The following ITIH4 variants were observed in gnomAD, a reference collection of about 807,000 sequenced individuals.
The protein encoded by ITIH4 is inter-alpha-trypsin inhibitor heavy chain 4.
In ITIH4, 79 loss-of-function variants were observed where a neutral mutation model predicts 111.8. The ratio of observed to expected loss-of-function variants is 0.71; its 90% confidence interval spans 0.59 to 0.85. The LOEUF (loss-of-function observed/expected upper bound fraction) is 0.85. Among genes scored for constraint, ITIH4 ranks in the 40% least tolerant of loss-of-function variants. ITIH4 has a pLI of 0.00. For synonymous variants in ITIH4, 472 were observed against 468.3 expected (o/e 1.01, Z -0.10); for missense variants, 1,065 against 1,195.8 (o/e 0.89, Z 1.61).
chr3:52,821,276 G>T, intron 11 of ITIH4, 146 bp from the exon 12 acceptor site: 2 of 969,004 alleles, frequency 2.1e-6, no homozygotes, highest in Non-Finnish European at 1.5e-6. Context: ...GTGGGGGTAA[G>T]GAGGGGGCTT....
rs773375938 is a variant in ITIH4 at position 52,825,873 on chromosome 3, G to C, written c.759+13C>G. On this transcript the variant is annotated intron_variant, in intron 6 of 23. Coordinates refer to ENST00000266041, the MANE Select transcript of ITIH4 (RefSeq NM_002218.5). Reference sequence around the variant, plus strand: ...CTTCTAGGCTGCTCTGCTCTTGCCTGAAGTCCACCCACCTGAATGGAGCCC... The same window carrying C: ...CTTCTAGGCTGCTCTGCTCTTGCCTCAAGTCCACCCACCTGAATGGAGCCC... The C allele has an allele frequency of 6.2e-7, 1 of 1,612,440 alleles. No homozygotes were observed. The highest frequency in any genetic ancestry group is 8.5e-7 in the Non-Finnish European group (1 of 1,179,260).
In ITIH4 at chr3:52,816,969, C is replaced by CGTGAA. The variant is rs780169794; in HGVS notation, c.2381_2385dup (p.Ala796PhefsTer10). 6.2e-7 allele frequency: 1 copy of CGTGAA among 1,613,976 alleles called. No individual in the cohort carries two copies. Among genetic ancestry groups the CGTGAA allele is most frequent in the Non-Finnish European group, 8.5e-7 (1 of 1,179,898 alleles). ...GTCACCACCACGTGTTCAGGGGATG[C>CGTGAA]GTGAACCCATACCAGGGGGTTCTTG... On this transcript the variant is annotated frameshift_variant, in exon 21 of 24. Coordinates refer to ENST00000266041, the MANE Select transcript of ITIH4 (RefSeq NM_002218.5). LOFTEE classifies it high-confidence loss of function.
chr3:52,814,873 C>T (rs528395335), intron 21 of ITIH4, among the ~76,000 whole-genome samples: 1 of 152,286 alleles, frequency 6.6e-6, no homozygotes, highest in East Asian at 1.9e-4. Context: ...CGTGAGCCAC[C>T]GCACCCGGCC....
At chr3:52,825,697 T>C (rs1373247911) in intron 6 of ITIH4, among the ~76,000 whole-genome samples, 189 bp downstream of exon 6, 1 of 152,170 alleles carries the variant, frequency 6.6e-6, no homozygotes, top group African/African-American at 2.4e-5. Context: ...GAGACAAACC[T>C]TTTCTGCCTG....
Position 52,820,935 on chromosome 3 carries a change from G to A in ITIH4, c.1679+56C>T, listed in dbSNP as rs112810398. 1.3e-3 allele frequency: 2,096 copies of A among 1,593,492 alleles called. 7 individuals carry two copies. The highest frequency in any genetic ancestry group is 1.9e-3 in the South Asian group (164 of 87,342). On this transcript the variant is annotated intron_variant, in intron 12 of 23. Transcript: ENST00000266041. ...TCTCTCCATGCTTAGGCGCTGTACC[G>A]TGCCACCTGTGCCTGCCCCCTAGCG...
At chr3:52,815,283 G>A (rs1256550452) in intron 21 of ITIH4, among the ~76,000 whole-genome samples, 3 of 143,522 alleles carry the variant, frequency 2.1e-5, no homozygotes, top group Admixed American at 7.2e-5. Context: ...TCGCTCTGTC[G>A]CCCAGGCTGA....
rs77349648 is a variant in ITIH4, at chr3:52,820,342, G to C, written c.1835-25C>G. Reference sequence around the variant, plus strand: ...TCTGGATAAAACAAAGAGAGAGAGAGAGACAGACAGACAGAGACACAGACA... The same window carrying C: ...TCTGGATAAAACAAAGAGAGAGAGACAGACAGACAGACAGAGACACAGACA... On this transcript the variant is annotated intron_variant, in intron 13 of 23. Coordinates refer to ENST00000266041, the MANE Select transcript of ITIH4 (RefSeq NM_002218.5). 2,252 of 1,609,938 alleles carry C rather than the reference G, an allele frequency of 1.4e-3. 9 individuals carry two copies. The highest frequency in any genetic ancestry group is 4.8e-3 in the South Asian group (432 of 90,936).
In ITIH4 at chr3:52,816,903, G is replaced by A; in HGVS notation, c.2452C>T (p.Leu818=). 1.9e-6 allele frequency: 3 copies of A among 1,613,870 alleles called. No homozygotes were observed. Among genetic ancestry groups the A allele is most frequent in the Non-Finnish European group, 2.5e-6 (3 of 1,179,864 alleles). ...RSSAYKWKET[L]FSVMPGLKMT... is the part of the protein sequence containing the mutation. ...CCTTACCCGGGCATCACTGAGAATA[G>A]CGTCTCCTTCCACTTGTACGCAGAG... Residue 818 remains leucine (L), a synonymous_variant, in exon 21 of 24, where the codon CTA becomes TTA. Coordinates refer to ENST00000266041, the MANE Select transcript of ITIH4 (RefSeq NM_002218.5).
rs1284438493 is a variant in ITIH4 at position 52,819,397 on chromosome 3, G to A, written c.2073C>T (p.Ala691=). The A allele has an allele frequency of 1.2e-6, 2 of 1,614,002 alleles. No individual in the cohort carries two copies. The highest frequency in any genetic ancestry group is 8.5e-7 in the Non-Finnish European group (1 of 1,179,912). Residue 691 remains alanine (A), a synonymous_variant, in exon 17 of 24, where the codon GCC becomes GCT. Coordinates refer to ENST00000266041, the MANE Select transcript of ITIH4 (RefSeq NM_002218.5). The part of the protein sequence containing the change: ...HAAYHPFRRL[A]ILPASAPPAT... ...CAGGGCCGGAAGGCAGCTTACAGAT[G>A]GCCAGACGGCGGAAGGGGTGGTAAG...
Position 52,818,187 on chromosome 3 carries a change from G to A in ITIH4, c.2180-19C>T, listed in dbSNP as rs370733315. 1.2e-5 allele frequency: 20 copies of A among 1,601,920 alleles called. No homozygotes were observed. Among genetic ancestry groups the A allele is most frequent in the African/African-American group, 8.0e-5 (6 of 74,692 alleles). On this transcript the variant is annotated intron_variant, in intron 19 of 23. Coordinates refer to ENST00000266041, the MANE Select transcript of ITIH4 (RefSeq NM_002218.5). Reference sequence around the variant, plus strand: ...ATGGGGGCTGGGACAGCCGGGGCACGGCTCCTGGAGCAGGAAGGGCAGGCT... The same window carrying A: ...ATGGGGGCTGGGACAGCCGGGGCACAGCTCCTGGAGCAGGAAGGGCAGGCT...
At chr3:52,820,134 T>A in intron 14 of ITIH4, 144 bp from the exon 15 acceptor site, 1 of 1,295,496 alleles carries the variant, frequency 7.7e-7, no homozygotes, top group African/African-American at 1.5e-5. Flanking sequence ...TGCACCAGCA[T>A]GCTGGGTCAG....
In ITIH4 at chr3:52,813,336, C is replaced by T. The variant is rs1700222882; in HGVS notation, c.*85G>A. The T allele has an allele frequency of 1.7e-6, 2 of 1,164,674 alleles. No individual in the cohort carries two copies. Among genetic ancestry groups the T allele is most frequent in the African/African-American group, 1.5e-5 (1 of 66,130 alleles). 72.1% of individuals were successfully genotyped at this position (1,164,674 alleles called of 1,614,324 possible). On this transcript the variant is annotated 3_prime_UTR_variant, in exon 24 of 24. Coordinates refer to ENST00000266041, the MANE Select transcript of ITIH4 (RefSeq NM_002218.5). ...TGTAATGAGTGGGACTCTTCCTCCC[C>T]ATGGTGGTCCAGGCCCCAGAAGCGG...
At chr3:52,820,366 C>G (rs371184979) in intron 13 of ITIH4, 49 bp from the exon 14 acceptor site, 1 of 1,583,458 alleles carries the variant, frequency 6.3e-7, no homozygotes, top group Non-Finnish European at 8.7e-7. Context: ...GAGACACAGA[C>G]AGACACCGTC....
intron 2 of ITIH4, among the ~76,000 whole-genome samples, chr3:52,827,950 T>C (rs974761161): frequency 5.3e-5 from 8 of 152,138 alleles, no homozygotes; most frequent in African/African-American, 1.7e-4. Context: ...TGTGTGGCAG[T>C]GGGCAGGAGG....
Position 52,824,556 on chromosome 3 carries a change from C to T in ITIH4, c.886G>A (p.Ala296Thr). ...AGGTCATCCAGGATCTTGATTAGGGCTTCCCGGGTCTGGTCAGGGAGAGGA... is the reference window on the plus strand; with the variant it reads ...AGGTCATCCAGGATCTTGATTAGGGTTTCCCGGGTCTGGTCAGGGAGAGGA... ...SGRKIQQTRE[A>T]LIKILDDLSP... The change falls in exon 8 of 24, where the codon GCC (alanine) becomes ACC (threonine). Residue 296 changes from alanine (A) to threonine (T), a missense_variant. By Grantham distance (58) the Ala-to-Thr change is moderately conservative (BLOSUM62 0). Coordinates refer to ENST00000266041, the MANE Select transcript of ITIH4 (RefSeq NM_002218.5). The surrounding 1 kb of genome is among the most constrained non-coding windows in gnomAD (Gnocchi z 4.3). The T allele has an allele frequency of 1.9e-6, 3 of 1,611,580 alleles. No individual in the cohort carries two copies. Among genetic ancestry groups the T allele is most frequent in the Non-Finnish European group, 2.5e-6 (3 of 1,179,324 alleles).
intron 2 of ITIH4, among the ~76,000 whole-genome samples, chr3:52,828,215 C>T (rs767504571): frequency 6.6e-6 from 1 of 152,232 alleles, no homozygotes; most frequent in African/African-American, 2.4e-5. Flanking sequence ...CTTGGGCTCT[C>T]AGCAGATGCC....
intron 23 of ITIH4, 38 bp from the exon 24 acceptor site, chr3:52,813,528 C>A (rs17331178): frequency 0.099 from 156,081 of 1,583,878 alleles, 8,637 homozygotes; most frequent in Non-Finnish European, 0.11. Flanking sequence ...AGGTGGTCAG[C>A]AAATCTCAGG....
In ITIH4 at chr3:52,813,355, G is replaced by A. The variant is rs1700223130; in HGVS notation, c.*66C>T. ...CCTCCCCATGGTGGTCCAGGCCCCAGAAGCGGCCCTGCAGTTGCAGGGGGA... is the reference window on the plus strand; with the variant it reads ...CCTCCCCATGGTGGTCCAGGCCCCAAAAGCGGCCCTGCAGTTGCAGGGGGA... On this transcript the variant is annotated 3_prime_UTR_variant, in exon 24 of 24. Coordinates refer to ENST00000266041, the MANE Select transcript of ITIH4 (RefSeq NM_002218.5). The A allele has an allele frequency of 7.2e-7, 1 of 1,383,860 alleles. No homozygotes were observed. Among genetic ancestry groups the A allele is most frequent in the Middle Eastern group, 1.8e-4 (1 of 5,578 alleles). 85.7% of individuals were successfully genotyped at this position (1,383,860 alleles called of 1,614,324 possible). A position where few individuals can be genotyped will look rare whatever the true frequency, so the allele number is the denominator to read the frequency against.
At chr3:52,826,134 C>T in intron 5 of ITIH4, 120 bp from the exon 6 acceptor site, 1 of 1,381,042 alleles carries the variant, frequency 7.2e-7, no homozygotes, top group East Asian at 2.5e-5. Context: ...GGTCCGTATT[C>T]CAGGGCACTT....
Sources: gnomAD v4.1 joint callset for allele counts (sites outside exome capture counted in the v4.1 genomes callset) on GRCh38, gnomAD v4.1.1 for gene constraint, Gnocchi (gnomAD v3.1) non-coding constraint, MANE v1.5 for transcripts, NCBI Gene and HGNC (gene_info 2026-07-23, HGNC 2026-07-21) for gene names.